SVIL: variants seen among roughly 807,000 people sequenced by gnomAD.
The protein encoded by SVIL is archvillin.
A neutral mutation model predicts 240.4 loss-of-function variants in SVIL; 101 were observed. The ratio of observed to expected loss-of-function variants is 0.42; its 90% CI spans 0.36 to 0.50. The LOEUF (loss-of-function observed/expected upper bound fraction) is 0.50, where lower values mean the gene tolerates loss of function less well. SVIL is among the 20% of genes least tolerant of loss of function. The probability of loss-of-function intolerance (pLI) is 0.01; values close to 1 mark genes in which losing one functional copy is unlikely to be tolerated. For synonymous variants in SVIL, 999 were observed against 1,100.0 expected (o/e 0.91, Z 1.82); for missense variants, 2,512 against 2,818.7 (o/e 0.89, Z 2.46).
chr10:29,622,142 C>G (rs1470227562), intron 1 of SVIL, among the ~76,000 whole-genome samples: 1 of 142,638 alleles, frequency 7.0e-6, no homozygotes, highest in African/African-American at 2.6e-5. Context: ...CCCAGCTACT[C>G]GGGAGGCTGA....
chr10:29,528,519 G>A lies in SVIL; in HGVS notation c.2246+1186C>T, dbSNP rs370404720. Among the ~76,000 whole-genome samples, 226 of 151,866 alleles carry A rather than the reference G, an allele frequency of 1.5e-3. 1 individual carries two copies. Among genetic ancestry groups the A allele is most frequent in the South Asian group, 3.5e-3 (17 of 4,816 alleles). On this transcript the variant is annotated intron_variant, in intron 12 of 37. Coordinates refer to ENST00000355867, the MANE Select transcript of SVIL (RefSeq NM_021738.3). ...TTTGGGAGGCTGAGGTGGGAGGATC[G>A]CTTGAGCCCAGGAGTTTAAGATCAG...
chr10:29,673,559 C>T (rs575871581), intron 2 of SVIL, among the ~76,000 whole-genome samples: 36 of 143,388 alleles, frequency 2.5e-4, no homozygotes, highest in African/African-American at 9.3e-4. Flanking sequence ...AAGCAAGGCA[C>T]GTCTTACATG....
chr10:29,642,457 A>T (rs1383395415), intron 3 of SVIL, among the ~76,000 whole-genome samples: 2 of 99,412 alleles, frequency 2.0e-5, no homozygotes, highest in Non-Finnish European at 4.0e-5. Context: ...GAAAGAAAGA[A>T]AGAAAGAAAG....
chr10:29,475,492 C>T (rs1386754003), intron 29 of SVIL: 1 of 152,132 alleles, frequency 6.6e-6, no homozygotes, highest in African/African-American at 2.4e-5. Flanking sequence ...TGCTTTTGTT[C>T]TAATAAACAA....
intron 2 of SVIL, among the ~76,000 whole-genome samples, chr10:29,685,612 C>A (rs1589511871): frequency 6.6e-6 from 1 of 152,352 alleles, no homozygotes; most frequent in South Asian, 2.1e-4. Context: ...AGTAGCCATT[C>A]TGACTGGTGT....
chr10:29,703,579 T>C (rs1256446987), intron 1 of SVIL, among the ~76,000 whole-genome samples: 4 of 152,206 alleles, frequency 2.6e-5, no homozygotes, highest in Non-Finnish European at 5.9e-5. Context: ...ACAAAGGGCC[T>C]GGCCTGGGGC....
intron 2 of SVIL, among the ~76,000 whole-genome samples, chr10:29,565,874 CAG>C (rs1027070002): frequency 6.6e-6 from 1 of 152,060 alleles, no homozygotes; most frequent in African/African-American, 2.4e-5. Flanking sequence ...GCCTGGGAGA[CAG>C]AGTGAGACCC....
intron 3 of SVIL, among the ~76,000 whole-genome samples, chr10:29,557,897 G>A (rs1296624304): frequency 6.6e-6 from 1 of 152,188 alleles, no homozygotes; most frequent in African/African-American, 2.4e-5. Context: ...AGATCACTAT[G>A]GGGGCGCTAA....
intron 29 of SVIL, among the ~76,000 whole-genome samples, chr10:29,480,068 C>T (rs1946660265): frequency 6.6e-6 from 1 of 152,246 alleles, no homozygotes; most frequent in Non-Finnish European, 1.5e-5. Flanking sequence ...TCGGGAGAAA[C>T]AGCCTCTTTC....
At chr10:29,591,882 G>C (rs564413018) in intron 1 of SVIL, among the ~76,000 whole-genome samples, 11 of 152,360 alleles carry the variant, frequency 7.2e-5, no homozygotes, top group Middle Eastern at 6.8e-3. Flanking sequence ...GATGAGCAAA[G>C]AGCCTGCCAG....
chr10:29,594,476 G>A (rs942515066), intron 1 of SVIL, among the ~76,000 whole-genome samples: 1 of 152,136 alleles, frequency 6.6e-6, no homozygotes, highest in Non-Finnish European at 1.5e-5. Flanking sequence ...CCACTCTAGT[G>A]GGGGATGTTG....
At position 29,600,363 on chromosome 10, in the gene SVIL, C is replaced by A. The variant is rs368547922; in HGVS notation, c.-200-31051G>T. Among the ~76,000 whole-genome samples the A allele has an allele frequency of 5.3e-5, 8 of 152,298 alleles. No homozygotes were observed. The East Asian group carries it at 1.2e-3, about 22-fold the overall frequency. On this transcript the variant is annotated intron_variant, in intron 1 of 37. Coordinates refer to ENST00000355867, the MANE Select transcript of SVIL (RefSeq NM_021738.3). ...CCAACTGGAGCTGAGCATTGTTAGA[C>A]CCTCCTAAGGAGTCTTAACCTTCCC...
intron 5 of SVIL, among the ~76,000 whole-genome samples, chr10:29,553,217 C>A (rs1196843272): frequency 6.6e-6 from 1 of 150,498 alleles, no homozygotes; most frequent in Non-Finnish European, 1.5e-5. Flanking sequence ...GACAAGCAAA[C>A]TGATAACATC....
rs767341493 is a variant in SVIL, at chr10:29,481,566, G to C, written c.5100+18C>G. 4 of 1,612,580 alleles carry C rather than the reference G, an allele frequency of 2.5e-6. No homozygotes were observed. The East Asian group carries it at 8.9e-5, about 36-fold the overall frequency. On this transcript the variant is annotated intron_variant, in intron 28 of 37. Transcript: ENST00000355867. ...CCCGAACCAAGCCCCGAGTTTTGAG[G>C]CTTGGTCGCCGGAATACCTTGTGCT...
chr10:29,729,089 G>C (rs1964453179), intron 1 of SVIL, among the ~76,000 whole-genome samples: 1 of 152,130 alleles, frequency 6.6e-6, no homozygotes, highest in Admixed American at 6.5e-5. Flanking sequence ...AGGAATACTA[G>C]AGAAGTCCTG....
chr10:29,458,686 TACTG>T, intron 36 of SVIL, 97 bp from the exon 37 acceptor site: 1 of 1,391,772 alleles, frequency 7.2e-7, no homozygotes, highest in Non-Finnish European at 9.8e-7. Context: ...GCCACCTGCA[TACTG>T]CCTGAGGATG....
chr10:29,713,931 T>C (rs1429649195), intron 1 of SVIL, among the ~76,000 whole-genome samples: 1 of 152,226 alleles, frequency 6.6e-6, no homozygotes, highest in African/African-American at 2.4e-5. Flanking sequence ...GGAAGCCAAA[T>C]ATGGAATAGA....
intron 3 of SVIL, among the ~76,000 whole-genome samples, chr10:29,640,853 C>T (rs1257706229): frequency 6.6e-6 from 1 of 152,196 alleles, no homozygotes; most frequent in Non-Finnish European, 1.5e-5. Flanking sequence ...CCCATCCTCT[C>T]CGCCACTTCC....
intron 16 of SVIL, among the ~76,000 whole-genome samples, chr10:29,517,726 C>T (rs1950310447): frequency 6.6e-6 from 1 of 152,198 alleles, no homozygotes; most frequent in South Asian, 2.1e-4. Context: ...CAGGGAGTTC[C>T]ACTAAGTCCT....
Sources: allele counts gnomAD v4.1 joint callset (sites outside exome capture counted in the v4.1 genomes callset), GRCh38; gene constraint gnomAD v4.1.1; transcripts MANE v1.5; gene names NCBI Gene and HGNC (gene_info 2026-07-23, HGNC 2026-07-21).